Variants in LMBRD1 observed in about 807,000 individuals in gnomAD.
The protein encoded by LMBRD1 is lysosomal cobalamin transport escort protein LMBD1.
LMBRD1 carries 64 observed loss-of-function variants against 74.8 expected under a neutral mutation model. The ratio of observed to expected loss-of-function variants is 0.86; its 90% CI spans 0.70 to 1.05. The LOEUF is 1.05. Ranked by LOEUF, LMBRD1 falls within the 50% of genes least tolerant of loss-of-function variation. The pLI is 0.00. For missense variants in LMBRD1, 652 were observed against 645.9 expected, an observed-to-expected ratio of 1.01 and a Z score of -0.10; for synonymous variants, 204 against 216.3, an observed-to-expected ratio of 0.94 and a Z score of 0.50.
At chr6:69,701,647 A>T in intron 10 of LMBRD1, 102 bp from the exon 11 acceptor site, 1 of 739,002 alleles carries the variant, frequency 1.4e-6, no homozygotes, top group Non-Finnish European at 2.3e-6. Context: ...TGAGTCAAAG[A>T]AAACAATGGA....
At chr6:69,704,762 G>A (rs1766212256) in intron 9 of LMBRD1, among the ~76,000 whole-genome samples, 1 of 152,086 alleles carries the variant, frequency 6.6e-6, no homozygotes, top group South Asian at 2.1e-4. Flanking sequence ...GGTTGAATCT[G>A]CAAATGCAGA....
In LMBRD1 at chr6:69,682,151, T is replaced by C. The variant is rs140996793; in HGVS notation, c.1418-5610A>G. 1.6e-4 allele frequency among the ~76,000 whole-genome samples: 25 copies of C among 151,966 alleles called. No homozygotes were observed. In the East Asian group the frequency reaches 4.6e-3, roughly 28 times the overall value. On this transcript the variant is annotated intron_variant, in intron 14 of 15. Coordinates refer to ENST00000649934, the MANE Select transcript of LMBRD1 (RefSeq NM_018368.4). ...AATGGGAAGGCAGAAAAAATGAAGA[T>C]ATATAATAAAAACCAAAGTTGTATA...
chr6:69,773,249 G>C (rs538820618), intron 3 of LMBRD1, among the ~76,000 whole-genome samples: 1 of 152,232 alleles, frequency 6.6e-6, no homozygotes, highest in African/African-American at 2.4e-5. Context: ...AAGGATGTGT[G>C]TGCCTCCATT....
chr6:69,711,898 G>C (rs117890991), intron 9 of LMBRD1, among the ~76,000 whole-genome samples: 1 of 151,862 alleles, frequency 6.6e-6, no homozygotes, highest in African/African-American at 2.4e-5. Flanking sequence ...GTAAACTTGC[G>C]TCATGGGGGT....
At chr6:69,741,530 C>T (rs569891349) in intron 6 of LMBRD1, among the ~76,000 whole-genome samples, 245 of 152,210 alleles carry the variant, frequency 1.6e-3, no homozygotes, top group Non-Finnish European at 2.9e-3. Context: ...GGATTACAGG[C>T]GCCTGCCACT....
chr6:69,741,992 G>A, intron 5 of LMBRD1, 115 bp from the exon 6 acceptor site: 1 of 637,086 alleles, frequency 1.6e-6, no homozygotes, highest in Non-Finnish European at 2.7e-6. Flanking sequence ...TCTGTACTAT[G>A]CACAGAGGGG....
intron 9 of LMBRD1, among the ~76,000 whole-genome samples, chr6:69,710,044 T>G (rs1257557336): frequency 1.3e-5 from 2 of 152,164 alleles, no homozygotes; most frequent in South Asian, 2.1e-4. Flanking sequence ...TGCAAAGGAT[T>G]TGGCAAAGCC....
intron 7 of LMBRD1, among the ~76,000 whole-genome samples, chr6:69,733,048 T>G (rs974964812): frequency 6.6e-6 from 1 of 152,112 alleles, no homozygotes; most frequent in Non-Finnish European, 1.5e-5. Context: ...TCAGTAAAAT[T>G]TAAATAATCA....
Position 69,676,289 on chromosome 6 carries a change from C to T in LMBRD1, c.1510-18G>A. 2 of 1,608,240 alleles carry T rather than the reference C, an allele frequency of 1.2e-6. No homozygotes were observed. Among genetic ancestry groups the T allele is most frequent in the African/African-American group, 1.3e-5 (1 of 74,804 alleles). ...AAAAATACCTGTAAATTTAAATAAGCCATGTGTTATTTTTCAAATTTAAAA... is the reference window on the plus strand; with the variant it reads ...AAAAATACCTGTAAATTTAAATAAGTCATGTGTTATTTTTCAAATTTAAAA... On this transcript the variant is annotated intron_variant, in intron 15 of 15. Transcript: ENST00000649934.
At chr6:69,769,790 T>G (rs1420543008) in intron 3 of LMBRD1, among the ~76,000 whole-genome samples, 1 of 151,932 alleles carries the variant, frequency 6.6e-6, no homozygotes, top group East Asian at 1.9e-4. Flanking sequence ...ATATATTTAT[T>G]TAAATTACTG....
At position 69,741,779 on chromosome 6, in the gene LMBRD1, C is replaced by A. The variant is rs777443966; in HGVS notation, c.562+10G>T. ...AAACTACTATGTTTTTTAAAAAAAA[C>A]AATACTTACGACTACTTCCAAGTTC... On this transcript the variant is annotated intron_variant, in intron 6 of 15. Transcript: ENST00000649934. The A allele has an allele frequency of 1.3e-6, 2 of 1,492,012 alleles. No homozygotes were observed. The highest frequency in any genetic ancestry group is 1.7e-5 in the Admixed American group (1 of 59,636). The allele number at this position is 1,492,012 out of a possible 1,614,324, so 92.4% of individuals were successfully genotyped here.
chr6:69,751,218 A>C (rs908566498), intron 4 of LMBRD1, among the ~76,000 whole-genome samples: 3 of 152,178 alleles, frequency 2.0e-5, no homozygotes, highest in African/African-American at 7.2e-5. Context: ...GATGCTCCTG[A>C]ATTATATTTA....
rs200824654 is a variant in LMBRD1 at position 69,676,431 on chromosome 6, G to A, written c.1509+19C>T. 8.0e-4 allele frequency: 1,276 copies of A among 1,600,082 alleles called. 13 individuals are homozygous for A. Among genetic ancestry groups the A allele is most frequent in the Middle Eastern group, 7.3e-3 (44 of 6,036 alleles). ...TTTATAAAGGAAGGTCAAATCACGC[G>A]TGGGATATCTGCACTTACCCCAAGA... On this transcript the variant is annotated intron_variant, in intron 15 of 15. Coordinates refer to ENST00000649934, the MANE Select transcript of LMBRD1 (RefSeq NM_018368.4).
intron 7 of LMBRD1, among the ~76,000 whole-genome samples, chr6:69,731,238 G>C (rs1159285760): frequency 6.6e-6 from 1 of 152,018 alleles, no homozygotes; most frequent in Non-Finnish European, 1.5e-5. Flanking sequence ...ATACAACCTA[G>C]TGTTCAATAG....
chr6:69,737,789 T>C (rs1341399229), intron 7 of LMBRD1, among the ~76,000 whole-genome samples, 153 bp downstream of exon 7: 3 of 151,752 alleles, frequency 2.0e-5, no homozygotes, highest in Non-Finnish European at 1.5e-5. Flanking sequence ...GGCTAAGTAG[T>C]TAAAATTTTA....
intron 2 of LMBRD1, among the ~76,000 whole-genome samples, chr6:69,788,767 A>G (rs1766015600): frequency 1.3e-5 from 2 of 152,238 alleles, no homozygotes. Context: ...TAGAATCACT[A>G]GTAGGTATCC....
At chr6:69,691,977 G>T (rs1765893167) in intron 14 of LMBRD1, among the ~76,000 whole-genome samples, 2 of 150,878 alleles carry the variant, frequency 1.3e-5, no homozygotes, top group Non-Finnish European at 2.9e-5. Context: ...TTTTACTCCA[G>T]AACTTAAAGT....
chr6:69,763,608 G>A (rs1582136935), intron 3 of LMBRD1, among the ~76,000 whole-genome samples: 1 of 152,154 alleles, frequency 6.6e-6, no homozygotes, highest in Admixed American at 6.6e-5. Context: ...TTCAAAGGGG[G>A]TGGGAGGGGA....
chr6:69,744,040 T>C (rs1767164697), intron 5 of LMBRD1, among the ~76,000 whole-genome samples: 1 of 152,170 alleles, frequency 6.6e-6, no homozygotes, highest in Non-Finnish European at 1.5e-5. Flanking sequence ...AATATAGATA[T>C]ATCAGTTCTG....
Sources: gnomAD v4.1 joint callset for allele counts (sites outside exome capture counted in the v4.1 genomes callset) on GRCh38, gnomAD v4.1.1 for gene constraint, MANE v1.5 for transcripts, NCBI Gene and HGNC (gene_info 2026-07-23, HGNC 2026-07-21) for gene names.